CPNE4: variants seen among roughly 807,000 people sequenced by gnomAD.
The protein encoded by CPNE4 is copine 4.
CPNE4 carries 25 observed loss-of-function variants against 67.9 expected under a neutral mutation model. The observed-to-expected ratio is 0.37, with a 90% CI of 0.27 to 0.51. CPNE4 has a LOEUF of 0.51. Among genes scored for constraint, CPNE4 ranks in the 20% least tolerant of loss-of-function variants. CPNE4 has a pLI of 0.93. For missense variants in CPNE4, 464 were observed against 690.8 expected, an observed-to-expected ratio of 0.67 and a Z score of 3.68; for synonymous variants, 242 against 244.9, an observed-to-expected ratio of 0.99 and a Z score of 0.11.
At chr3:131,608,679 A>G (rs1939648886) in intron 7 of CPNE4, among the ~76,000 whole-genome samples, 1 of 152,184 alleles carries the variant, frequency 6.6e-6, no homozygotes, top group Non-Finnish European at 1.5e-5. Flanking sequence ...GGGCAAGAAC[A>G]GTGAAGGTCT....
intron 15 of CPNE4, among the ~76,000 whole-genome samples, chr3:131,539,800 AT>A (rs1159689764): frequency 3.9e-5 from 6 of 152,202 alleles, no homozygotes; most frequent in Admixed American, 3.9e-4. Flanking sequence ...ATGCAAAGTT[AT>A]CACTGGTATT....
intron 1 of CPNE4, among the ~76,000 whole-genome samples, chr3:131,933,134 C>A (rs1424214756): frequency 1.3e-5 from 2 of 151,976 alleles, no homozygotes; most frequent in Non-Finnish European, 2.9e-5. Context: ...GTTGAAGATT[C>A]TGGATTTTAA....
chr3:131,799,919 T>TTG (rs3070292), intron 2 of CPNE4, among the ~76,000 whole-genome samples: 35 of 145,690 alleles, frequency 2.4e-4, no homozygotes, highest in Admixed American at 5.5e-4. Context: ...TGTGTGTGTG[T>TTG]TGTGTGTGTG....
At chr3:131,893,980 T>C (rs1021335141) in intron 2 of CPNE4, among the ~76,000 whole-genome samples, 1 of 151,504 alleles carries the variant, frequency 6.6e-6, no homozygotes, top group Non-Finnish European at 1.5e-5. Flanking sequence ...AAATAAACAA[T>C]ATATAGACTA....
chr3:131,771,851 T>G (rs1021197184), intron 2 of CPNE4, among the ~76,000 whole-genome samples: 1 of 152,192 alleles, frequency 6.6e-6, no homozygotes, highest in Non-Finnish European at 1.5e-5. Context: ...TGGTTCCATG[T>G]CAGACTCCTG....
chr3:131,853,121 C>A (rs1205940566), intron 2 of CPNE4, among the ~76,000 whole-genome samples: 1 of 151,474 alleles, frequency 6.6e-6, no homozygotes, highest in Non-Finnish European at 1.5e-5. Flanking sequence ...AGAGCCAAAG[C>A]AATTTGAAAA....
chr3:131,622,009 A>T (rs1446570881), intron 7 of CPNE4, among the ~76,000 whole-genome samples: 3 of 133,654 alleles, frequency 2.2e-5, no homozygotes, highest in African/African-American at 9.3e-5. Context: ...ACAAAGCCAG[A>T]CCCTGTCTCA....
At chr3:131,925,141 C>T (rs936041368) in intron 1 of CPNE4, among the ~76,000 whole-genome samples, 1 of 138,936 alleles carries the variant, frequency 7.2e-6, no homozygotes, top group African/African-American at 2.7e-5. Context: ...CTGATTCTCT[C>T]TCTCTTGTTC....
chr3:131,934,483 A>G (rs1270366434), intron 1 of CPNE4, among the ~76,000 whole-genome samples: 1 of 152,200 alleles, frequency 6.6e-6, no homozygotes. Flanking sequence ...TTACATAGGT[A>G]TACATGTGCC....
rs1044569567 is a variant in CPNE4 at position 131,635,882 on chromosome 3, C to T, written c.681+33793G>A. 1.6e-4 allele frequency among the ~76,000 whole-genome samples: 14 copies of T among 85,246 alleles called. 2 individuals are homozygous for T. The highest frequency in any genetic ancestry group is 2.5e-4 in the Non-Finnish European group (13 of 51,102). The allele number at this position is 85,246 out of a possible 152,430, so 55.9% of individuals were successfully genotyped here. On this transcript the variant is annotated intron_variant, in intron 7 of 15. Transcript: ENST00000429747. ...GGATCACGAGGTCAGGAGATCGAGA[C>T]CATCCCGGCTAAAACGGTGAAACCC...
chr3:131,942,280 A>G (rs888176008), intron 1 of CPNE4, among the ~76,000 whole-genome samples: 10 of 152,070 alleles, frequency 6.6e-5, no homozygotes, highest in African/African-American at 2.2e-4. Context: ...ATTTAAAAGC[A>G]TACTACCTAA....
chr3:131,944,142 C>T (rs1321753977), intron 1 of CPNE4, among the ~76,000 whole-genome samples: 1 of 152,110 alleles, frequency 6.6e-6, no homozygotes, highest in African/African-American at 2.4e-5. Flanking sequence ...AATCCCATGT[C>T]TAACACTGTC....
chr3:131,916,656 T>G (rs1354581289), intron 1 of CPNE4, among the ~76,000 whole-genome samples: 4 of 152,190 alleles, frequency 2.6e-5, no homozygotes, highest in Non-Finnish European at 5.9e-5. Context: ...AGTTCAGCAT[T>G]GCCCAGTAGA....
intron 6 of CPNE4, among the ~76,000 whole-genome samples, chr3:131,674,349 C>T (rs2080503933): frequency 6.6e-6 from 1 of 151,808 alleles, no homozygotes; most frequent in African/African-American, 2.4e-5. Context: ...TGGAAGTATT[C>T]CTTCCTCCTT....
At chr3:132,021,393 AT>A (rs1181921078) in intron 1 of CPNE4, among the ~76,000 whole-genome samples, 1 of 146,294 alleles carries the variant, frequency 6.8e-6, no homozygotes, top group Non-Finnish European at 1.5e-5. Flanking sequence ...AGTCCTTTGG[AT>A]TTTTTGAACC....
chr3:131,679,012 T>A (rs561870548), intron 6 of CPNE4, among the ~76,000 whole-genome samples: 1 of 152,178 alleles, frequency 6.6e-6, no homozygotes, highest in African/African-American at 2.4e-5. Context: ...GTACCAACTA[T>A]TTTTTGTGTA....
chr3:131,657,704 TTGTG>T (rs56890555), intron 7 of CPNE4, among the ~76,000 whole-genome samples: 9,252 of 140,596 alleles, frequency 0.066, 369 homozygotes, highest in African/African-American at 0.1. Context: ...CCAGCTAATT[TTGTG>T]TGTGTGTGTG....
At chr3:131,949,739 C>G (rs2071665138) in intron 1 of CPNE4, among the ~76,000 whole-genome samples, 1 of 152,162 alleles carries the variant, frequency 6.6e-6, no homozygotes, top group Non-Finnish European at 1.5e-5. Flanking sequence ...TCAAAGCATA[C>G]TACCCCACAG....
chr3:132,025,929 C>T (rs560169433), intron 1 of CPNE4, among the ~76,000 whole-genome samples: 1 of 152,190 alleles, frequency 6.6e-6, no homozygotes, highest in South Asian at 2.1e-4. Flanking sequence ...GATTTAAAGT[C>T]AATGCGTAAA....
Sources: allele counts gnomAD v4.1 joint callset (sites outside exome capture counted in the v4.1 genomes callset), GRCh38; gene constraint gnomAD v4.1.1; transcripts MANE v1.5; gene names NCBI Gene and HGNC (gene_info 2026-07-23, HGNC 2026-07-21).